The following MACROD2 variants were observed in gnomAD, a reference collection of about 807,000 sequenced individuals.
MACROD2 encodes the protein mono-ADP ribosylhydrolase 2, also known as ADP-ribose glycohydrolase MACROD2.
MACROD2 carries 36 observed loss-of-function variants against 70.4 expected under a neutral mutation model. The ratio of observed to expected loss-of-function variants is 0.51; its 90% CI spans 0.39 to 0.68. MACROD2 has a LOEUF of 0.68. Ranked by LOEUF, MACROD2 falls within the 30% of genes least tolerant of loss-of-function variation. The pLI is 0.00. For synonymous variants in MACROD2, 172 were observed against 178.8 expected (o/e 0.96, Z 0.30); for missense variants, 496 against 538.4 (o/e 0.92, Z 0.78).
At chr20:15,737,078 T>C (rs1261749748) in intron 8 of MACROD2, among the ~76,000 whole-genome samples, 2 of 152,162 alleles carry the variant, frequency 1.3e-5, no homozygotes, top group African/African-American at 2.4e-5. Context: ...ATTGATTGGC[T>C]TTGGTTATTG....
intron 6 of MACROD2, among the ~76,000 whole-genome samples, chr20:15,259,166 GT>G (rs2077226177): frequency 6.7e-6 from 1 of 148,190 alleles, no homozygotes; most frequent in Admixed American, 6.8e-5. Context: ...TTATTTTCAA[GT>G]TTTGGGTAAT....
At position 15,781,967 on chromosome 20, in the gene MACROD2, T is replaced by C. The variant is rs557217600; in HGVS notation, c.646-80778T>C. Reference sequence around the variant, plus strand: ...TTGATGGGAAATATGGCTAAAGAGATAGATTACAGAGATGAAGTCTGGTAT... The same window carrying C: ...TTGATGGGAAATATGGCTAAAGAGACAGATTACAGAGATGAAGTCTGGTAT... On this transcript the variant is annotated intron_variant, in intron 8 of 17. Transcript: ENST00000684519. Among the ~76,000 whole-genome samples the C allele has an allele frequency of 7.9e-5, 12 of 152,232 alleles. No homozygotes were observed. In the East Asian group the frequency reaches 1.5e-3, roughly 20 times the overall value.
At chr20:14,689,973 A>G (rs2123607698) in intron 5 of MACROD2, among the ~76,000 whole-genome samples, 1 of 152,132 alleles carries the variant, frequency 6.6e-6, no homozygotes, top group African/African-American at 2.4e-5. Flanking sequence ...AAATTATGAA[A>G]TCAGTGTCAA....
chr20:15,061,531 T>C (rs1427640421), intron 5 of MACROD2, among the ~76,000 whole-genome samples: 1 of 152,162 alleles, frequency 6.6e-6, no homozygotes, highest in African/African-American at 2.4e-5. Context: ...CCCACTCCCG[T>C]GCTGATATTT....
intron 3 of MACROD2, among the ~76,000 whole-genome samples, chr20:14,350,556 C>T (rs1353387615): frequency 1.3e-5 from 2 of 152,062 alleles, no homozygotes; most frequent in African/African-American, 4.8e-5. Context: ...TGTGTGTCTT[C>T]TTTTGAGAAA....
At chr20:15,153,252 T>G (rs148232931) in intron 5 of MACROD2, among the ~76,000 whole-genome samples, 3,544 of 151,520 alleles carry the variant, frequency 0.023, 153 homozygotes, top group African/African-American at 0.082. Flanking sequence ...GAAAAGAGAG[T>G]CAGTGAAGGG....
chr20:14,179,211 G>A (rs955236343), intron 3 of MACROD2, among the ~76,000 whole-genome samples: 3 of 152,138 alleles, frequency 2.0e-5, no homozygotes, highest in Admixed American at 1.3e-4. Flanking sequence ...CTTGTGGGAT[G>A]TCATATTTAC....
chr20:15,573,839 T>C (rs1191289588), intron 8 of MACROD2, among the ~76,000 whole-genome samples: 1 of 152,118 alleles, frequency 6.6e-6, no homozygotes, highest in African/African-American at 2.4e-5. Context: ...CATGCCTTCA[T>C]AACATTGTAT....
intron 7 of MACROD2, among the ~76,000 whole-genome samples, chr20:15,447,574 T>C (rs1239107562): frequency 6.6e-6 from 1 of 152,192 alleles, no homozygotes; most frequent in African/African-American, 2.4e-5. Context: ...CCCATCTCAC[T>C]TCCTACCCTA....
chr20:15,020,495 G>A (rs2075156866), intron 5 of MACROD2, among the ~76,000 whole-genome samples: 1 of 152,112 alleles, frequency 6.6e-6, no homozygotes, highest in African/African-American at 2.4e-5. Context: ...AGTGAAGGAA[G>A]CCAATTTTAA....
intron 11 of MACROD2, among the ~76,000 whole-genome samples, 176 bp from the exon 12 acceptor site, chr20:15,937,300 A>G (rs2065679091): frequency 6.6e-6 from 1 of 152,178 alleles, no homozygotes; most frequent in Non-Finnish European, 1.5e-5. Flanking sequence ...TGTTTCACTA[A>G]TTATAAAAGA....
intron 8 of MACROD2, among the ~76,000 whole-genome samples, chr20:15,660,913 G>A (rs2049812639): frequency 6.6e-6 from 1 of 152,134 alleles, no homozygotes; most frequent in South Asian, 2.1e-4. Flanking sequence ...GAAGCTTTTA[G>A]AAAAGAGCAA....
intron 2 of MACROD2, among the ~76,000 whole-genome samples, chr20:14,023,300 C>G (rs907398474): frequency 6.6e-6 from 1 of 152,106 alleles, no homozygotes; most frequent in African/African-American, 2.4e-5. Flanking sequence ...TGGATATTAG[C>G]CCTTTGTCAG....
At chr20:15,425,302 T>G (rs183204969) in intron 6 of MACROD2, among the ~76,000 whole-genome samples, 3 of 152,304 alleles carry the variant, frequency 2.0e-5, no homozygotes, top group Admixed American at 2.0e-4. Flanking sequence ...ATTATCTACA[T>G]AAATCAACAA....
chr20:15,806,280 C>T (rs766299886), intron 8 of MACROD2, among the ~76,000 whole-genome samples: 2 of 152,168 alleles, frequency 1.3e-5, no homozygotes, highest in Admixed American at 6.5e-5. Context: ...TGGTGGCCGT[C>T]TCTCAACATT....
At chr20:14,160,111 G>C (rs1220118023) in intron 3 of MACROD2, among the ~76,000 whole-genome samples, 1 of 152,102 alleles carries the variant, frequency 6.6e-6, no homozygotes, top group Non-Finnish European at 1.5e-5. Flanking sequence ...TGTGCTATTG[G>C]ATGTGATTTG....
At chr20:15,096,116 TA>T (rs2075829797) in intron 5 of MACROD2, among the ~76,000 whole-genome samples, 1 of 152,062 alleles carries the variant, frequency 6.6e-6, no homozygotes, top group Non-Finnish European at 1.5e-5. Flanking sequence ...TAGATACAAT[TA>T]AAGTTCTGAG....
At chr20:15,763,930 AAAGT>A (rs1370639648) in intron 8 of MACROD2, among the ~76,000 whole-genome samples, 1 of 152,262 alleles carries the variant, frequency 6.6e-6, no homozygotes, top group East Asian at 1.9e-4. Flanking sequence ...TTCTAATATC[AAAGT>A]AAGACATAAA....
chr20:15,088,792 C>T (rs770279244), intron 5 of MACROD2, among the ~76,000 whole-genome samples: 2 of 151,684 alleles, frequency 1.3e-5, no homozygotes, highest in African/African-American at 2.4e-5. Context: ...TGTATGTGCA[C>T]AGTACAGGTC....
Sources: allele counts gnomAD v4.1 joint callset (sites outside exome capture counted in the v4.1 genomes callset), GRCh38; gene constraint gnomAD v4.1.1; transcripts MANE v1.5; gene names NCBI Gene and HGNC (gene_info 2026-07-23, HGNC 2026-07-21).